Variants in TNPO1 observed in about 807,000 individuals in gnomAD.
The protein encoded by TNPO1 is transportin-1.
A neutral mutation model predicts 119.5 loss-of-function variants in TNPO1; 8 were observed. That is an observed-to-expected ratio of 0.07 (90% confidence interval 0.04 to 0.12). The LOEUF is 0.12. Among genes scored for constraint, TNPO1 ranks in the 10% least tolerant of loss-of-function variants. The pLI is 1.00. For missense variants in TNPO1, 576 were observed against 1,089.8 expected (o/e 0.53, Z 6.64); for synonymous variants, 362 against 363.0 (o/e 1.00, Z 0.03).
chr5:72,897,844 ATAAT>A (rs1474026317), intron 20 of TNPO1, among the ~76,000 whole-genome samples: 1 of 152,096 alleles, frequency 6.6e-6, no homozygotes, highest in Non-Finnish European at 1.5e-5. Context: ...GATGATTCCC[ATAAT>A]TTATTTATAA....
In TNPO1 at chr5:72,911,024, G is replaced by A. The variant is rs1478249976; in HGVS notation, c.*2351G>A. ...CTCCCTGTTAGTCTTTAATAACTGA[G>A]TAGAGTAGCTTTTTTATTCTTAGAT... On this transcript the variant is annotated 3_prime_UTR_variant, in exon 25 of 25. Coordinates refer to ENST00000337273, the MANE Select transcript of TNPO1 (RefSeq NM_002270.4). 1 of 152,040 alleles carries A rather than the reference G, an allele frequency of 6.6e-6. No individual in the cohort carries two copies. Among genetic ancestry groups the A allele is most frequent in the Non-Finnish European group, 1.5e-5 (1 of 67,946 alleles). The allele number at this position is 152,040 out of a possible 1,614,324, so 9.4% of individuals were successfully genotyped here. A position where few individuals can be genotyped will look rare whatever the true frequency, so the allele number is the denominator to read the frequency against.
chr5:72,880,702 G>C (rs1748176238), intron 9 of TNPO1, among the ~76,000 whole-genome samples: 1 of 150,990 alleles, frequency 6.6e-6, no homozygotes, highest in African/African-American at 2.4e-5. Flanking sequence ...TGTAGTCCCA[G>C]CTACTTGGGT....
chr5:72,863,540 A>G (rs1295179500), intron 5 of TNPO1, among the ~76,000 whole-genome samples: 1 of 152,062 alleles, frequency 6.6e-6, no homozygotes, highest in South Asian at 2.1e-4. Flanking sequence ...CAGGTGGATC[A>G]TTTGAGGTCA....
intron 9 of TNPO1, among the ~76,000 whole-genome samples, chr5:72,880,750 A>C (rs901687874): frequency 6.1e-5 from 9 of 148,214 alleles, no homozygotes; most frequent in African/African-American, 2.2e-4. Flanking sequence ...CGGGAAGTGG[A>C]GATTGCAGTG....
At chr5:72,906,070 T>C in intron 24 of TNPO1, among the ~76,000 whole-genome samples, 1 of 152,054 alleles carries the variant, frequency 6.6e-6, no homozygotes, top group East Asian at 1.9e-4. Context: ...TTTCTTTCTT[T>C]TTTCCTGCAA....
intron 8 of TNPO1, among the ~76,000 whole-genome samples, 159 bp downstream of exon 8, chr5:72,875,896 A>G (rs139884882): frequency 1.3e-5 from 2 of 152,244 alleles, no homozygotes; most frequent in South Asian, 4.1e-4. Flanking sequence ...TTCTGGGTAT[A>G]GTTGTACATA....
chr5:72,828,484 T>C (rs1300091540), intron 1 of TNPO1, among the ~76,000 whole-genome samples: 1 of 152,220 alleles, frequency 6.6e-6, no homozygotes, highest in Non-Finnish European at 1.5e-5. Flanking sequence ...AACATTTTGC[T>C]ACATTTGTTT....
At chr5:72,836,007 C>T (rs563665870) in intron 1 of TNPO1, among the ~76,000 whole-genome samples, 8 of 152,206 alleles carry the variant, frequency 5.3e-5, no homozygotes, top group African/African-American at 1.9e-4. Context: ...GGGGTTGGGC[C>T]CCCAAGTCTC....
intron 3 of TNPO1, among the ~76,000 whole-genome samples, chr5:72,852,906 T>G (rs546999896): frequency 6.6e-6 from 1 of 152,352 alleles, no homozygotes; most frequent in Non-Finnish European, 1.5e-5. Context: ...CTTCTTAATA[T>G]AGAAATTTTT....
chr5:72,848,352 T>G (rs746258390), intron 1 of TNPO1, 33 bp from the exon 2 acceptor site: 2 of 1,597,702 alleles, frequency 1.3e-6, no homozygotes, highest in South Asian at 2.2e-5. Flanking sequence ...TAACAGTTGC[T>G]CCGTCTCTTC....
intron 8 of TNPO1, 92 bp downstream of exon 8, chr5:72,875,829 A>G: frequency 7.3e-7 from 1 of 1,376,776 alleles, no homozygotes; most frequent in Non-Finnish European, 9.9e-7. Context: ...GAAGGGGACT[A>G]TAAAATAGTT....
rs757314136 is a variant in TNPO1 at position 72,903,717 on chromosome 5, AT to A, written c.2530del (p.Cys844ValfsTer45). The A allele has an allele frequency of 2.5e-6, 4 of 1,602,510 alleles. No individual in the cohort carries two copies. The highest frequency in any genetic ancestry group is 3.4e-5 in the Admixed American group (2 of 58,148). On this transcript the variant is annotated frameshift_variant, in exon 23 of 25. Transcript: ENST00000337273. LOFTEE classifies it high-confidence loss of function. ...TTTCTTGCTTGTTACAGGATTTTAT[AT>A]TTTTTTGTGATGCCGTTGCATCATG... ...NPSGVIQDFI[F>X]FCDAVASWIN...
At chr5:72,875,804 CA>C in intron 8 of TNPO1, 67 bp downstream of exon 8, 1 of 1,518,950 alleles carries the variant, frequency 6.6e-7, no homozygotes, top group Non-Finnish European at 9.0e-7. Flanking sequence ...ATAGAAAATA[CA>C]ACATACCGGA....
chr5:72,835,004 C>T (rs550413541), intron 1 of TNPO1, among the ~76,000 whole-genome samples: 1 of 152,258 alleles, frequency 6.6e-6, no homozygotes, highest in South Asian at 2.1e-4. Context: ...TTCAGTACAG[C>T]AACATGCTAT....
intron 4 of TNPO1, among the ~76,000 whole-genome samples, chr5:72,858,727 C>G (rs1445559947): frequency 3.3e-5 from 5 of 151,954 alleles, no homozygotes; most frequent in Admixed American, 6.5e-5. Context: ...GTCCCAGCTA[C>G]TCTGGAGGCT....
At chr5:72,820,400 A>C (rs889649215) in intron 1 of TNPO1, among the ~76,000 whole-genome samples, 1 of 152,194 alleles carries the variant, frequency 6.6e-6, no homozygotes, top group Non-Finnish European at 1.5e-5. Flanking sequence ...TAATATAATA[A>C]ATTGAGACTA....
At chr5:72,834,317 C>T (rs1223066540) in intron 1 of TNPO1, among the ~76,000 whole-genome samples, 1 of 152,112 alleles carries the variant, frequency 6.6e-6, no homozygotes, top group Non-Finnish European at 1.5e-5. Context: ...CACTGTAAAA[C>T]CACCTCAGCC....
In TNPO1 at chr5:72,887,054, T is replaced by A; in HGVS notation, c.1151-16T>A. ...AAGAGGTTAATGTAATATTTTTGAA[T>A]TAAATATTTCCTTAGGAAAATGTTC... On this transcript the variant is annotated splice_polypyrimidine_tract_variant and intron_variant, in intron 11 of 24. Transcript: ENST00000337273. The A allele has an allele frequency of 6.3e-7, 1 of 1,595,586 alleles. No homozygotes were observed. The highest frequency in any genetic ancestry group is 1.1e-5 in the South Asian group (1 of 86,992).
At chr5:72,881,828 C>T (rs1748267769) in intron 9 of TNPO1, among the ~76,000 whole-genome samples, 1 of 152,060 alleles carries the variant, frequency 6.6e-6, no homozygotes, top group Admixed American at 6.5e-5. Flanking sequence ...ACCCAGAGAC[C>T]CTCACCGTAC....
Sources: gnomAD v4.1 joint callset for allele counts (sites outside exome capture counted in the v4.1 genomes callset) on GRCh38, gnomAD v4.1.1 for gene constraint, MANE v1.5 for transcripts, NCBI Gene and HGNC (gene_info 2026-07-23, HGNC 2026-07-21) for gene names.